NRXN3: variants seen among roughly 807,000 people sequenced by gnomAD.
The protein encoded by NRXN3 is neurexin III.
Under a neutral mutation model 137.6 loss-of-function variants are expected in NRXN3, and 32 were observed. The observed-to-expected ratio is 0.23, with a 90% CI of 0.18 to 0.31. The LOEUF (loss-of-function observed/expected upper bound fraction) is 0.31, where lower values mean the gene tolerates loss of function less well. NRXN3 is among the 10% of genes least tolerant of loss of function. The probability of loss-of-function intolerance (pLI) is 1.00; values close to 1 mark genes in which losing one functional copy is unlikely to be tolerated. For synonymous variants in NRXN3, 798 were observed against 784.5 expected, an observed-to-expected ratio of 1.02 and a Z score of -0.29; for missense variants, 1,574 against 2,062.5, an observed-to-expected ratio of 0.76 and a Z score of 4.59.
intron 10 of NRXN3, among the ~76,000 whole-genome samples, chr14:78,863,282 T>A (rs1013981087): frequency 6.6e-6 from 1 of 152,138 alleles, no homozygotes; most frequent in African/African-American, 2.4e-5. Context: ...TGCATTAGTA[T>A]GAGATTTTGA....
intron 15 of NRXN3, among the ~76,000 whole-genome samples, chr14:79,110,793 T>TA (rs2053354409): frequency 6.8e-6 from 1 of 146,014 alleles, no homozygotes; most frequent in Admixed American, 6.8e-5. Context: ...TTTATTTATT[T>TA]ATTTTTTTAT....
intron 10 of NRXN3, among the ~76,000 whole-genome samples, chr14:78,947,967 C>G (rs2099370589): frequency 6.6e-6 from 1 of 152,210 alleles, no homozygotes; most frequent in African/African-American, 2.4e-5. Context: ...ACCTCTTAAT[C>G]TCATCCTAGG....
chr14:79,461,883 C>T (rs900297724), intron 15 of NRXN3, among the ~76,000 whole-genome samples: 15 of 152,156 alleles, frequency 9.9e-5, no homozygotes, highest in African/African-American at 3.4e-4. Flanking sequence ...ACCAACATAC[C>T]TTACCATTAT....
chr14:78,598,542 C>G (rs1208206317), intron 4 of NRXN3, among the ~76,000 whole-genome samples: 2 of 152,224 alleles, frequency 1.3e-5, no homozygotes, highest in Admixed American at 6.5e-5. Context: ...AGCTAAGGCA[C>G]CTGGGGTCTG....
At chr14:79,357,536 C>T (rs1179764787) in intron 15 of NRXN3, among the ~76,000 whole-genome samples, 5 of 151,968 alleles carry the variant, frequency 3.3e-5, no homozygotes, top group Non-Finnish European at 5.9e-5. Context: ...GAGTATTTAC[C>T]GTTGACTTCC....
intron 4 of NRXN3, among the ~76,000 whole-genome samples, chr14:78,509,224 G>A (rs1033667879): frequency 5.9e-5 from 9 of 152,150 alleles, no homozygotes; most frequent in African/African-American, 1.4e-4. Flanking sequence ...GCTTGAACCC[G>A]GGAGGCAGAG....
intron 4 of NRXN3, among the ~76,000 whole-genome samples, chr14:78,456,788 T>G (rs1301509663): frequency 1.3e-5 from 2 of 149,352 alleles, no homozygotes; most frequent in Non-Finnish European, 1.5e-5. Context: ...TCCCTTTCTC[T>G]CTCTCTTTCT....
intron 15 of NRXN3, among the ~76,000 whole-genome samples, chr14:79,399,904 C>T (rs930076878): frequency 2.6e-5 from 4 of 152,094 alleles, no homozygotes; most frequent in African/African-American, 9.7e-5. Context: ...TGGTGGCGGC[C>T]ATCAATTCTG....
chr14:78,825,593 C>T (rs1433778737), intron 10 of NRXN3, among the ~76,000 whole-genome samples: 2 of 152,226 alleles, frequency 1.3e-5, no homozygotes, highest in Admixed American at 6.5e-5. Flanking sequence ...TTGTGCCTCA[C>T]GGCGTGAATT....
rs75336168 is a variant in NRXN3 at position 78,755,806 on chromosome 14, C to T, written c.2044+40667C>T. On this transcript the variant is annotated intron_variant, in intron 8 of 20. Transcript: ENST00000335750. Reference sequence around the variant, plus strand: ...TATACTATAGCTGATCTTGGCATTACCAAAATGAATACTATCCTCAGAAAG... The same window carrying T: ...TATACTATAGCTGATCTTGGCATTATCAAAATGAATACTATCCTCAGAAAG... Among the ~76,000 whole-genome samples the T allele has an allele frequency of 6.6e-3, 1,008 of 152,284 alleles. 15 individuals carry two copies. The highest frequency in any genetic ancestry group is 0.022 in the African/African-American group (923 of 41,552).
chr14:79,303,869 C>T (rs562941474), intron 15 of NRXN3, among the ~76,000 whole-genome samples: 3 of 152,066 alleles, frequency 2.0e-5, no homozygotes, highest in African/African-American at 7.2e-5. Flanking sequence ...CTGGGGAAAT[C>T]TCTACACTTT....
intron 15 of NRXN3, among the ~76,000 whole-genome samples, chr14:79,344,774 G>A (rs913126245): frequency 9.9e-5 from 15 of 152,080 alleles, no homozygotes; most frequent in Non-Finnish European, 2.1e-4. Flanking sequence ...TTACTAAAAA[G>A]TTGACAATAT....
At chr14:78,967,448 G>A in intron 13 of NRXN3, 50 bp downstream of exon 13, 1 of 1,361,692 alleles carries the variant, frequency 7.3e-7, no homozygotes, top group Non-Finnish European at 1.0e-6. Flanking sequence ...TCTTACAATA[G>A]ATAGACTATT....
At chr14:78,297,336 C>T (rs2076445431) in intron 3 of NRXN3, among the ~76,000 whole-genome samples, 1 of 152,134 alleles carries the variant, frequency 6.6e-6, no homozygotes, top group African/African-American at 2.4e-5. Flanking sequence ...GGATGGTAGT[C>T]TCTGGAAGGT....
At chr14:79,020,239 C>G (rs2099587127) in intron 15 of NRXN3, among the ~76,000 whole-genome samples, 1 of 13,266 alleles carries the variant, frequency 7.5e-5, no homozygotes, top group Non-Finnish European at 1.4e-4. Context: ...CTCCCCTCCC[C>G]TCCCCTCCCC....
chr14:78,698,851 A>G (rs2098252523), intron 6 of NRXN3, among the ~76,000 whole-genome samples: 1 of 152,062 alleles, frequency 6.6e-6, no homozygotes, highest in Admixed American at 6.6e-5. Flanking sequence ...ATGCCTTTTA[A>G]CCATTTGTAA....
intron 4 of NRXN3, among the ~76,000 whole-genome samples, chr14:78,450,558 G>A (rs765290432): frequency 6.6e-6 from 1 of 152,126 alleles, no homozygotes; most frequent in Admixed American, 6.5e-5. Context: ...CCTGGAGCCC[G>A]GTGGAATCCA....
chr14:79,721,506 C>G (rs892072518), intron 19 of NRXN3, among the ~76,000 whole-genome samples: 3 of 152,118 alleles, frequency 2.0e-5, no homozygotes, highest in Non-Finnish European at 4.4e-5. Flanking sequence ...CTTCGATAGG[C>G]TCTTTCAAGA....
At chr14:78,504,420 A>T (rs2095941383) in intron 4 of NRXN3, among the ~76,000 whole-genome samples, 1 of 152,088 alleles carries the variant, frequency 6.6e-6, no homozygotes, top group Non-Finnish European at 1.5e-5. Flanking sequence ...CATTGGCAAA[A>T]CCACTTACTA....
Sources: gnomAD v4.1 joint callset for allele counts (sites outside exome capture counted in the v4.1 genomes callset) on GRCh38, gnomAD v4.1.1 for gene constraint, MANE v1.5 for transcripts, NCBI Gene and HGNC (gene_info 2026-07-23, HGNC 2026-07-21) for gene names.